NBAS: variants seen among roughly 807,000 people sequenced by gnomAD.
NBAS encodes the protein NBAS subunit of NRZ tethering complex.
Under a neutral mutation model 302.5 loss-of-function variants are expected in NBAS, and 219 were observed. The ratio of observed to expected loss-of-function variants is 0.72; its 90% CI spans 0.65 to 0.81. NBAS has a LOEUF of 0.81. Among genes scored for constraint, NBAS ranks in the 30% least tolerant of loss-of-function variants. The pLI is 0.00. For synonymous variants in NBAS, 1,118 were observed against 1,021.6 expected (o/e 1.09, Z -1.80); for missense variants, 2,932 against 2,841.6 (o/e 1.03, Z -0.72).
chr2:14,909,395 C>T, the NBAS span, among the ~76,000 whole-genome samples: 1 of 81,102 alleles, frequency 1.2e-5, no homozygotes, highest in African/African-American at 7.6e-5. Context: ...AAAAAGATTT[C>T]CCACATACCT....
chr2:15,120,031 G>A, the NBAS span, among the ~76,000 whole-genome samples: 2 of 152,164 alleles, frequency 1.3e-5, no homozygotes, highest in Non-Finnish European at 2.9e-5. Context: ...GGGCACACCT[G>A]TTCCTAGTTC....
At chr2:15,107,781 T>G in the NBAS span, among the ~76,000 whole-genome samples, 1 of 152,114 alleles carries the variant, frequency 6.6e-6, no homozygotes. Flanking sequence ...TCACCGCAAT[T>G]CAAGATACAG....
At chr2:15,144,048 A>ATATATAT in the NBAS span, among the ~76,000 whole-genome samples, 10 of 113,810 alleles carry the variant, frequency 8.8e-5, 1 homozygote, top group East Asian at 3.6e-3. Flanking sequence ...TATATATAAA[A>ATATATAT]ATATATATAT....
intron 16 of NBAS, among the ~76,000 whole-genome samples, chr2:15,471,487 T>C (rs1253654898): frequency 2.6e-5 from 4 of 152,252 alleles, no homozygotes; most frequent in Non-Finnish European, 5.9e-5. Context: ...TTTCCTATAA[T>C]CTTCCACAAT....
At chr2:15,370,672 C>A (rs1165835457) in intron 31 of NBAS, among the ~76,000 whole-genome samples, 27 of 152,186 alleles carry the variant, frequency 1.8e-4, no homozygotes. Flanking sequence ...TATTTTGGAG[C>A]TTTAAGATTT....
intron 9 of NBAS, among the ~76,000 whole-genome samples, chr2:15,519,567 T>C (rs1662563482): frequency 1.3e-5 from 2 of 152,030 alleles, no homozygotes; most frequent in East Asian, 1.9e-4. Context: ...GCCTCCCAAG[T>C]AGTTGGGAAT....
intron 44 of NBAS, among the ~76,000 whole-genome samples, chr2:15,257,527 A>G (rs1183623489): frequency 1.3e-5 from 2 of 151,260 alleles, no homozygotes; most frequent in African/African-American, 4.9e-5. Flanking sequence ...CAAGTGGCTG[A>G]GATTGCAAAA....
At chr2:15,174,679 T>C (rs1664450064) in intron 51 of NBAS, among the ~76,000 whole-genome samples, 1 of 152,182 alleles carries the variant, frequency 6.6e-6, no homozygotes, top group African/African-American at 2.4e-5. Context: ...TTTTCCAATA[T>C]AATAAAGCCT....
chr2:15,055,909 C>G, the NBAS span, among the ~76,000 whole-genome samples: 7 of 152,080 alleles, frequency 4.6e-5, no homozygotes, highest in Non-Finnish European at 1.0e-4. Flanking sequence ...AGCTTTGATA[C>G]CATCATAGTA....
intron 30 of NBAS, among the ~76,000 whole-genome samples, chr2:15,376,737 T>C (rs1674762993): frequency 3.3e-5 from 5 of 152,176 alleles, no homozygotes; most frequent in Admixed American, 3.3e-4. Flanking sequence ...GCTTCCTAAA[T>C]AAAATGCTAA....
At chr2:15,305,452 T>C (rs980994841) in intron 40 of NBAS, among the ~76,000 whole-genome samples, 1 of 139,646 alleles carries the variant, frequency 7.2e-6, no homozygotes, top group Non-Finnish European at 1.5e-5. Flanking sequence ...TCGAGCAGTT[T>C]TTTTTTTTTT....
the NBAS span, among the ~76,000 whole-genome samples, chr2:14,828,353 G>A: frequency 5.9e-5 from 9 of 152,140 alleles, no homozygotes; most frequent in African/African-American, 2.2e-4. Flanking sequence ...ACACCTGGGT[G>A]ATGAGAGGGA....
At chr2:14,981,197 T>C in the NBAS span, among the ~76,000 whole-genome samples, 1 of 152,118 alleles carries the variant, frequency 6.6e-6, no homozygotes. Context: ...CATGTTAAAT[T>C]ATAGCAAACT....
chr2:14,972,912 T>C, the NBAS span, among the ~76,000 whole-genome samples: 1 of 152,184 alleles, frequency 6.6e-6, no homozygotes, highest in African/African-American at 2.4e-5. Flanking sequence ...AAGAATAATA[T>C]TTGACAAATG....
chr2:15,359,810 C>T (rs1276700102), intron 32 of NBAS, among the ~76,000 whole-genome samples: 1 of 151,960 alleles, frequency 6.6e-6, no homozygotes, highest in Non-Finnish European at 1.5e-5. Context: ...AAGTTATGCA[C>T]ATAATAGAAA....
chr2:15,254,135 A>G lies in NBAS; in HGVS notation c.5725-15449T>C, dbSNP rs543078389. Among the ~76,000 whole-genome samples, 11 of 152,238 alleles carry G rather than the reference A, an allele frequency of 7.2e-5. No individual in the cohort carries two copies. In the South Asian group the frequency reaches 1.7e-3, roughly 23 times the overall value. Reference sequence around the variant, plus strand: ...CACTATTGTAGACTGGCCTTCTGAGATATCTATTCATGTGTTTTGCATGTC... The same window carrying G: ...CACTATTGTAGACTGGCCTTCTGAGGTATCTATTCATGTGTTTTGCATGTC... On this transcript the variant is annotated intron_variant, in intron 44 of 51. Transcript: ENST00000281513.
At chr2:14,923,167 A>T in the NBAS span, among the ~76,000 whole-genome samples, 1 of 152,004 alleles carries the variant, frequency 6.6e-6, no homozygotes. Context: ...AACAAAAAAA[A>T]GTATTCATTC....
At chr2:15,228,468 G>T (rs1288772296) in intron 47 of NBAS, among the ~76,000 whole-genome samples, 1 of 152,166 alleles carries the variant, frequency 6.6e-6, no homozygotes, top group Non-Finnish European at 1.5e-5. Context: ...ACCATTTGAT[G>T]CAGCAATCCC....
the NBAS span, among the ~76,000 whole-genome samples, chr2:14,830,832 T>A: frequency 2.0e-5 from 3 of 152,204 alleles, no homozygotes; most frequent in Admixed American, 2.0e-4. Context: ...CTGTGTCCAG[T>A]GGTGTGCTGA....
Sources: allele counts gnomAD v4.1 joint callset (sites outside exome capture counted in the v4.1 genomes callset), GRCh38; gene constraint gnomAD v4.1.1; transcripts MANE v1.5; gene names NCBI Gene and HGNC (gene_info 2026-07-23, HGNC 2026-07-21).